LRP1B: variants seen among roughly 807,000 people sequenced by gnomAD.
LRP1B encodes low-density lipoprotein receptor-related protein 1B.
LRP1B carries 217 observed loss-of-function variants against 556.6 expected under a neutral mutation model. The ratio of observed to expected loss-of-function variants is 0.39; its 90% CI spans 0.35 to 0.44. LRP1B has a LOEUF of 0.44. Ranked by LOEUF, LRP1B falls within the 20% of genes least tolerant of loss-of-function variation. LRP1B has a pLI of 1.00. For missense variants in LRP1B, 5,053 were observed against 5,620.8 expected, an observed-to-expected ratio of 0.90 and a Z score of 3.23; for synonymous variants, 2,047 against 1,865.8, an observed-to-expected ratio of 1.10 and a Z score of -2.50.
chr2:140,554,272 T>C (rs564079777), intron 43 of LRP1B, among the ~76,000 whole-genome samples: 124 of 152,212 alleles, frequency 8.1e-4, no homozygotes, highest in African/African-American at 2.4e-3. Flanking sequence ...GGAGGTGTTA[T>C]AGCCACTGCT....
chr2:140,249,279 C>T (rs920694268), intron 86 of LRP1B, among the ~76,000 whole-genome samples: 2 of 151,480 alleles, frequency 1.3e-5, no homozygotes, highest in African/African-American at 4.8e-5. Context: ...TTGAGATCTC[C>T]AGATTAGCAG....
chr2:141,706,911 GC>G (rs1261890334), intron 2 of LRP1B, among the ~76,000 whole-genome samples: 2 of 151,632 alleles, frequency 1.3e-5, no homozygotes, highest in African/African-American at 4.8e-5. Context: ...TCTATCTTAG[GC>G]AAAAAGCCAT....
chr2:140,597,545 C>T (rs1334204074), intron 43 of LRP1B, among the ~76,000 whole-genome samples: 1 of 152,040 alleles, frequency 6.6e-6, no homozygotes, highest in Non-Finnish European at 1.5e-5. Flanking sequence ...TGCATTATAT[C>T]TTCATAATTG....
intron 2 of LRP1B, among the ~76,000 whole-genome samples, chr2:141,483,725 G>A (rs556028314): frequency 0.011 from 1,678 of 151,864 alleles, 16 homozygotes; most frequent in Non-Finnish European, 0.018. Context: ...GATGATGAGC[G>A]TTTTTTCATG....
intron 2 of LRP1B, among the ~76,000 whole-genome samples, chr2:141,685,823 T>G (rs947425997): frequency 2.0e-5 from 3 of 151,990 alleles, no homozygotes; most frequent in African/African-American, 7.2e-5. Flanking sequence ...TCCCCAGAAA[T>G]AGAAAACTAA....
rs951118999 is a variant in LRP1B at position 141,718,971 on chromosome 2, T to TTTGC, written c.205+91304_205+91307dup. 3.4e-4 allele frequency among the ~76,000 whole-genome samples: 42 copies of TTTGC among 124,826 alleles called. No individual in the cohort carries two copies. In the Middle Eastern group the frequency reaches 0.013, roughly 39 times the overall value. 81.9% of individuals were successfully genotyped at this position (124,826 alleles called of 152,430 possible). A position where few individuals can be genotyped will look rare whatever the true frequency, so the allele number is the denominator to read the frequency against. Reference sequence around the variant, plus strand: ...AATTCTAAAAATAAGTACTGGGTATTTTGCCTGGGGTTTTAAAGAAATCAA... The same window carrying TTTGC: ...AATTCTAAAAATAAGTACTGGGTATTTTGCTTGCCTGGGGTTTTAAAGAAATCAA... On this transcript the variant is annotated intron_variant, in intron 2 of 90. Transcript: ENST00000389484.
chr2:140,754,623 A>T (rs968082171), intron 35 of LRP1B, among the ~76,000 whole-genome samples: 6 of 152,114 alleles, frequency 3.9e-5, no homozygotes, highest in Admixed American at 3.3e-4. Flanking sequence ...ATACTTTGAG[A>T]TGAGTGAAAA....
chr2:140,598,903 A>AT, intron 42 of LRP1B, 68 bp from the exon 43 acceptor site: 1 of 976,944 alleles, frequency 1.0e-6, no homozygotes, highest in Non-Finnish European at 1.6e-6. Context: ...TAATAGAAAC[A>AT]TGGCAATACC....
chr2:141,153,170 T>G (rs1701966929), intron 7 of LRP1B, among the ~76,000 whole-genome samples: 1 of 144,016 alleles, frequency 6.9e-6, no homozygotes, highest in African/African-American at 2.5e-5. Flanking sequence ...TTCAGTGATT[T>G]CTTTGTATAT....
chr2:141,794,214 G>C (rs1289217563), intron 2 of LRP1B, among the ~76,000 whole-genome samples: 2 of 151,782 alleles, frequency 1.3e-5, no homozygotes, highest in African/African-American at 4.8e-5. Flanking sequence ...CTCTATGAGA[G>C]GACATGGCTA....
rs555725075 is a variant in LRP1B, at chr2:140,304,927, T to G, written c.12806-6958A>C. 6.6e-5 allele frequency among the ~76,000 whole-genome samples: 10 copies of G among 152,212 alleles called. No homozygotes were observed. In the East Asian group the frequency reaches 1.5e-3, roughly 24 times the overall value. On this transcript the variant is annotated intron_variant, in intron 83 of 90. Transcript: ENST00000389484. The stretch of plus-strand genomic sequence containing the variant: ...TTAAATAGGGAATCCTTTCCCCATT[T>G]CTTGTTTTTGTCAGGTTTGTCAGAG...
intron 3 of LRP1B, among the ~76,000 whole-genome samples, chr2:141,315,943 G>A (rs980378103): frequency 1.0e-4 from 6 of 60,110 alleles, no homozygotes; most frequent in African/African-American, 3.6e-4. Context: ...GTATCCACAG[G>A]CTTTATGGCT....
intron 2 of LRP1B, among the ~76,000 whole-genome samples, chr2:141,527,189 T>C (rs760368928): frequency 1.3e-4 from 20 of 152,086 alleles, no homozygotes; most frequent in Non-Finnish European, 2.6e-4. Flanking sequence ...ACAAGACTAA[T>C]TAATGCTTCC....
chr2:141,234,592 G>A (rs1683586029), intron 5 of LRP1B, among the ~76,000 whole-genome samples: 1 of 151,828 alleles, frequency 6.6e-6, no homozygotes, highest in African/African-American at 2.4e-5. Flanking sequence ...GGCCAGGCTG[G>A]TCTTGAACTC....
chr2:141,416,425 A>G (rs1180725709), intron 3 of LRP1B, among the ~76,000 whole-genome samples: 2 of 151,624 alleles, frequency 1.3e-5, no homozygotes, highest in Admixed American at 1.3e-4. Context: ...GCCCACAGTA[A>G]ATTCTTAATA....
chr2:141,693,765 C>T (rs1691631332), intron 2 of LRP1B, among the ~76,000 whole-genome samples: 1 of 151,908 alleles, frequency 6.6e-6, no homozygotes, highest in Admixed American at 6.6e-5. Flanking sequence ...TATCAATGCC[C>T]CTTCTCAGTC....
rs544673053 is a variant in LRP1B at position 140,886,424 on chromosome 2, T to C, written c.3767-89A>G. Reference sequence around the variant, plus strand: ...GATCAAAATATATTATTTAAAAGTATAATTTATTACATAATTCTCTGTCTT... The same window carrying C: ...GATCAAAATATATTATTTAAAAGTACAATTTATTACATAATTCTCTGTCTT... On this transcript the variant is annotated intron_variant, in intron 23 of 90. Coordinates refer to ENST00000389484, the MANE Select transcript of LRP1B (RefSeq NM_018557.3). 5.4e-5 allele frequency: 37 copies of C among 685,338 alleles called. No homozygotes were observed. In the Admixed American group the frequency reaches 1.0e-3, roughly 19 times the overall value. The allele number at this position is 685,338 out of a possible 1,614,324, so 42.5% of individuals were successfully genotyped here. A position where few individuals can be genotyped will look rare whatever the true frequency, so the allele number is the denominator to read the frequency against.
At chr2:141,826,421 G>T (rs1197387410) in intron 1 of LRP1B, among the ~76,000 whole-genome samples, 2 of 137,200 alleles carry the variant, frequency 1.5e-5, no homozygotes, top group Admixed American at 8.1e-5. Flanking sequence ...GTGCAGTGGC[G>T]CCATCTCGGC....
At chr2:142,121,763 C>G (rs369551221) in intron 1 of LRP1B, among the ~76,000 whole-genome samples, 1 of 152,104 alleles carries the variant, frequency 6.6e-6, no homozygotes, top group African/African-American at 2.4e-5. Flanking sequence ...ACATTGTCTA[C>G]CTTGTTCACT....
Sources: gnomAD v4.1 joint callset for allele counts (sites outside exome capture counted in the v4.1 genomes callset) on GRCh38, gnomAD v4.1.1 for gene constraint, MANE v1.5 for transcripts, NCBI Gene and HGNC (gene_info 2026-07-23, HGNC 2026-07-21) for gene names.